KCNJ6: variants seen among roughly 807,000 people sequenced by gnomAD.
KCNJ6 encodes the protein potassium inwardly rectifying channel subfamily J member 6.
Under a neutral mutation model 34.2 loss-of-function variants are expected in KCNJ6, and 9 were observed. The observed-to-expected ratio is 0.26, with a 90% CI of 0.16 to 0.46. The LOEUF is 0.46. KCNJ6 is among the 20% of genes least tolerant of loss of function. The pLI is 1.00. For synonymous variants in KCNJ6, 196 were observed against 207.1 expected (o/e 0.95, Z 0.46); for missense variants, 236 against 531.3 (o/e 0.44, Z 5.46).
At chr21:37,822,950 C>T (rs1318349566) in intron 2 of KCNJ6, among the ~76,000 whole-genome samples, 2 of 152,196 alleles carry the variant, frequency 1.3e-5, no homozygotes, top group Admixed American at 6.5e-5. Context: ...CTTTGAACAA[C>T]TTGTCATGCA....
rs1244977885 is a variant in KCNJ6 at position 37,738,624 on chromosome 21, T to A, written c.26-23493A>T. 2.0e-5 allele frequency among the ~76,000 whole-genome samples: 3 copies of A among 152,222 alleles called. No individual in the cohort carries two copies. In the South Asian group the frequency reaches 6.2e-4, roughly 32 times the overall value. Reference sequence around the variant, plus strand: ...CAGTTTTGCAAACTTTTGGCTCATATCATAAATTCAAAGATGCTGGTGCTC... The same window carrying A: ...CAGTTTTGCAAACTTTTGGCTCATAACATAAATTCAAAGATGCTGGTGCTC... On this transcript the variant is annotated intron_variant, in intron 2 of 3. Transcript: ENST00000609713.
chr21:37,845,987 A>T (rs934965580), intron 1 of KCNJ6, among the ~76,000 whole-genome samples: 8 of 152,202 alleles, frequency 5.3e-5, no homozygotes, highest in Non-Finnish European at 7.3e-5. Flanking sequence ...TGGGGTAATC[A>T]TGATGATATA....
intron 1 of KCNJ6, among the ~76,000 whole-genome samples, chr21:37,845,019 T>C (rs1024745558): frequency 2.4e-4 from 36 of 152,170 alleles, no homozygotes; most frequent in African/African-American, 7.7e-4. Flanking sequence ...AGCTACTGTT[T>C]CCTGGTGTGC....
intron 2 of KCNJ6, among the ~76,000 whole-genome samples, chr21:37,799,235 C>G (rs1267164963): frequency 3.0e-4 from 46 of 152,146 alleles, no homozygotes; most frequent in Admixed American, 2.9e-3. Context: ...ATCCATGTTC[C>G]TGCAAAGGAC....
rs560465015 is a variant in KCNJ6 at position 37,767,756 on chromosome 21, T to C, written c.26-52625A>G. ...ATTCTTTCAGTATTTGAAACTACTA[T>C]GGGCAAAAGGTTTGTTTTTTTCTCT... On this transcript the variant is annotated intron_variant, in intron 2 of 3. Transcript: ENST00000609713. Among the ~76,000 whole-genome samples, 364 of 152,316 alleles carry C rather than the reference T, an allele frequency of 2.4e-3. 2 individuals are homozygous for C. Among genetic ancestry groups the C allele is most frequent in the Non-Finnish European group, 4.4e-3 (296 of 68,022 alleles).
At chr21:37,841,893 G>C (rs1269212386) in intron 1 of KCNJ6, among the ~76,000 whole-genome samples, 1 of 152,158 alleles carries the variant, frequency 6.6e-6, no homozygotes, top group African/African-American at 2.4e-5. Context: ...TTGTGCACTT[G>C]TCCTGTGCAA....
At chr21:37,648,171 G>T (rs1181978678) in intron 3 of KCNJ6, among the ~76,000 whole-genome samples, 1 of 152,074 alleles carries the variant, frequency 6.6e-6, no homozygotes, top group Non-Finnish European at 1.5e-5. Context: ...GAGCATGCAG[G>T]TGTAAAACGG....
chr21:37,880,988 T>A (rs555003530), intron 1 of KCNJ6, among the ~76,000 whole-genome samples: 1 of 152,088 alleles, frequency 6.6e-6, no homozygotes, highest in East Asian at 1.9e-4. Flanking sequence ...CAAGAAAAGC[T>A]CAAAGGGCAC....
At chr21:37,648,569 G>A (rs1250199151) in intron 3 of KCNJ6, among the ~76,000 whole-genome samples, 1 of 152,132 alleles carries the variant, frequency 6.6e-6, no homozygotes, top group African/African-American at 2.4e-5. Context: ...AATTTCACTT[G>A]TAACCAAATT....
chr21:37,741,361 A>C lies in KCNJ6; in HGVS notation c.26-26230T>G, dbSNP rs185675876. Among the ~76,000 whole-genome samples the C allele has an allele frequency of 1.4e-4, 21 of 152,226 alleles. No homozygotes were observed. In the East Asian group the frequency reaches 4.1e-3, roughly 29 times the overall value. ...TCTGGCTTCCTGTTGGGCTTGGCTC[A>C]TGAGAGGTTCTGGTGGGAGATCAAA... On this transcript the variant is annotated intron_variant, in intron 2 of 3. Coordinates refer to ENST00000609713, the MANE Select transcript of KCNJ6 (RefSeq NM_002240.5).
rs1464661465 is a variant in KCNJ6, at chr21:37,613,787, C to A, written c.*11372G>T. 1 of 152,180 alleles carries A rather than the reference C, an allele frequency of 6.6e-6. No homozygotes were observed. The highest frequency in any genetic ancestry group is 1.5e-5 in the Non-Finnish European group (1 of 68,044). 9.4% of individuals were successfully genotyped at this position (152,180 alleles called of 1,614,324 possible). On this transcript the variant is annotated 3_prime_UTR_variant, in exon 4 of 4. Transcript: ENST00000609713. ...GGACACAAGATGAATTGGGAGAGCA[C>A]AGAGGATTTTTAGGGCCGTGGGACT...
At chr21:37,883,517 A>G (rs1031155036) in intron 1 of KCNJ6, among the ~76,000 whole-genome samples, 3 of 152,186 alleles carry the variant, frequency 2.0e-5, no homozygotes, top group Non-Finnish European at 4.4e-5. Context: ...TGCTTGACCA[A>G]GCACCTAGTG....
In KCNJ6 at chr21:37,650,197, C is replaced by T. The variant is rs540527534; in HGVS notation, c.947-24713G>A. 1.8e-4 allele frequency among the ~76,000 whole-genome samples: 27 copies of T among 152,288 alleles called. No individual in the cohort carries two copies. The South Asian group carries it at 4.4e-3, about 25-fold the overall frequency. On this transcript the variant is annotated intron_variant, in intron 3 of 3. Transcript: ENST00000609713. The stretch of plus-strand genomic sequence containing the variant: ...CATTAAGCCCAGGTTTAGCGTCTGG[C>T]GCCAGTTCCCTCTGCCCGCTTCCTT...
Position 37,621,780 on chromosome 21 carries a change from C to T in KCNJ6, c.*3379G>A, listed in dbSNP as rs1227946437. 6.6e-6 allele frequency: 1 copy of T among 152,150 alleles called. No individual in the cohort carries two copies. The highest frequency in any genetic ancestry group is 1.5e-5 in the Non-Finnish European group (1 of 68,064). 9.4% of individuals were successfully genotyped at this position (152,150 alleles called of 1,614,324 possible). A position where few individuals can be genotyped will look rare whatever the true frequency, so the allele number is the denominator to read the frequency against. On this transcript the variant is annotated 3_prime_UTR_variant, in exon 4 of 4. Coordinates refer to ENST00000609713, the MANE Select transcript of KCNJ6 (RefSeq NM_002240.5). Reference sequence around the variant, plus strand: ...CGGAGTGGGGGAAGAGAGAGTTCTGCCTCATGGACATAGAGGGGATATATG... The same window carrying T: ...CGGAGTGGGGGAAGAGAGAGTTCTGTCTCATGGACATAGAGGGGATATATG...
intron 2 of KCNJ6, among the ~76,000 whole-genome samples, chr21:37,728,304 G>A (rs1211952097): frequency 2.0e-5 from 3 of 152,200 alleles, no homozygotes; most frequent in African/African-American, 7.2e-5. Context: ...CTGGAGCAGG[G>A]GGATTGGGGA....
At chr21:37,760,142 A>AT (rs2055053382) in intron 2 of KCNJ6, among the ~76,000 whole-genome samples, 1 of 152,208 alleles carries the variant, frequency 6.6e-6, no homozygotes, top group South Asian at 2.1e-4. Context: ...CTACAAGAGA[A>AT]TAAGTCCTGG....
At position 37,827,767 on chromosome 21, in the gene KCNJ6, C is replaced by T. The variant is rs181751268; in HGVS notation, c.25+12891G>A. ...CAATATATGAATATATTATCTCTCT[C>T]TCAGCTTTCAGTGTATCTGTTAGTT... On this transcript the variant is annotated intron_variant, in intron 2 of 3. Transcript: ENST00000609713. Among the ~76,000 whole-genome samples, 175 of 152,214 alleles carry T rather than the reference C, an allele frequency of 1.1e-3. 1 individual carries two copies. Among genetic ancestry groups the T allele is most frequent in the African/African-American group, 4.0e-3 (166 of 41,502 alleles).
At chr21:37,802,094 G>C (rs1298085077) in intron 2 of KCNJ6, among the ~76,000 whole-genome samples, 1 of 152,198 alleles carries the variant, frequency 6.6e-6, no homozygotes, top group Non-Finnish European at 1.5e-5. Flanking sequence ...CCAACTTTCA[G>C]AGCCTATTAC....
rs2054231907 is a variant in KCNJ6 at position 37,608,461 on chromosome 21, C to A, written c.*16698G>T. The A allele has an allele frequency of 6.6e-6, 1 of 152,222 alleles. No homozygotes were observed. The highest frequency in any genetic ancestry group is 1.5e-5 in the Non-Finnish European group (1 of 68,046). 9.4% of individuals were successfully genotyped at this position (152,222 alleles called of 1,614,324 possible). On this transcript the variant is annotated 3_prime_UTR_variant, in exon 4 of 4. Transcript: ENST00000609713. ...GCATGAACCATTGTGCTTGCCTGCC[C>A]TTGGATCTCTGTCTCCAAAACCTAA...
Sources: allele counts gnomAD v4.1 joint callset (sites outside exome capture counted in the v4.1 genomes callset), GRCh38; gene constraint gnomAD v4.1.1; transcripts MANE v1.5; gene names NCBI Gene and HGNC (gene_info 2026-07-23, HGNC 2026-07-21).